The following CBR4 variants were observed in gnomAD, a reference collection of about 807,000 sequenced individuals.
CBR4 encodes 3-oxoacyl-[acyl-carrier-protein] reductase.
A neutral mutation model predicts 21.0 loss-of-function variants in CBR4; 22 were observed. The ratio of observed to expected loss-of-function variants is 1.05; its 90% confidence interval spans 0.75 to 1.50. The LOEUF is 1.50. CBR4 is among the 40% of genes most tolerant of loss of function. The probability of loss-of-function intolerance (pLI) is 0.00; values close to 1 mark genes in which losing one functional copy is unlikely to be tolerated. For synonymous variants in CBR4, 100 were observed against 104.4 expected, an observed-to-expected ratio of 0.96 and a Z score of 0.26; for missense variants, 302 against 286.3, an observed-to-expected ratio of 1.05 and a Z score of -0.40.
intron 2 of CBR4, among the ~76,000 whole-genome samples, chr4:168,974,302 T>C (rs1193653675): frequency 6.6e-6 from 1 of 152,236 alleles, no homozygotes; most frequent in East Asian, 1.9e-4. Flanking sequence ...GGTTTTCCTT[T>C]ATAGATTACC....
At chr4:169,004,285 TATA>T (rs1207925761) in intron 3 of CBR4, among the ~76,000 whole-genome samples, 2 of 152,178 alleles carry the variant, frequency 1.3e-5, no homozygotes, top group Non-Finnish European at 2.9e-5. Flanking sequence ...TTTTTTTAGA[TATA>T]ATGCTACTGC....
intron 2 of CBR4, among the ~76,000 whole-genome samples, chr4:168,969,203 A>G (rs1344096689): frequency 6.6e-6 from 1 of 152,216 alleles, no homozygotes; most frequent in Non-Finnish European, 1.5e-5. Flanking sequence ...GAAAGGTTGG[A>G]CAGCTGCTCT....
At chr4:168,943,801 T>G (rs1763326098) in intron 2 of CBR4, among the ~76,000 whole-genome samples, 1 of 152,024 alleles carries the variant, frequency 6.6e-6, no homozygotes, top group South Asian at 2.1e-4. Flanking sequence ...TCCCAGCTAC[T>G]CAGGAAGCTG....
At chr4:168,927,641 A>C (rs889541088) in intron 2 of CBR4, 1 of 226,658 alleles carries the variant, frequency 4.4e-6, no homozygotes, top group Non-Finnish European at 8.8e-6. Context: ...TTATTAGTTC[A>C]CTTCCCTGCT....
chr4:168,999,132 C>T (rs777359865), intron 4 of CBR4, among the ~76,000 whole-genome samples: 4 of 152,086 alleles, frequency 2.6e-5, no homozygotes, highest in Non-Finnish European at 4.4e-5. Context: ...AGATTAGCAG[C>T]TATTGATCTT....
chr4:168,921,921 C>T (rs981478576), intron 2 of CBR4, among the ~76,000 whole-genome samples: 15 of 152,090 alleles, frequency 9.9e-5, no homozygotes, highest in Admixed American at 7.9e-4. Flanking sequence ...AGAAATCTTT[C>T]ATTTCTCCCA....
At chr4:168,939,993 G>A (rs1763218157) in intron 2 of CBR4, among the ~76,000 whole-genome samples, 2 of 151,828 alleles carry the variant, frequency 1.3e-5, no homozygotes, top group African/African-American at 2.4e-5. Flanking sequence ...ACAATCCTAA[G>A]CAAAAAGAAT....
chr4:168,985,673 A>G (rs760722426), downstream of CBR4, among the ~76,000 whole-genome samples: 22 of 152,206 alleles, frequency 1.4e-4, no homozygotes, highest in Non-Finnish European at 2.2e-4. Flanking sequence ...AATGTGGTAC[A>G]TATGCACCAT....
chr4:168,990,412 T>A lies in CBR4; in HGVS notation c.536-84A>T, dbSNP rs529622903. The A allele has an allele frequency of 3.2e-5, 41 of 1,265,892 alleles. No homozygotes were observed. In the African/African-American group the frequency reaches 6.4e-4, roughly 20 times the overall value. The allele number at this position is 1,265,892 out of a possible 1,614,324, so 78.4% of individuals were successfully genotyped here. ...TCAAAAAAAATAATAAATTTGTTTC[T>A]GAAAATTTTAATTTGAAATTATTTA... On this transcript the variant is annotated intron_variant, in intron 4 of 4. Coordinates refer to ENST00000306193, the MANE Select transcript of CBR4 (RefSeq NM_032783.5).
intron 2 of CBR4, chr4:168,924,437 A>T: frequency 2.5e-6 from 4 of 1,608,294 alleles, no homozygotes; most frequent in Non-Finnish European, 3.4e-6. Context: ...CTGCACAATG[A>T]GAACCTGATC....
intron 2 of CBR4, among the ~76,000 whole-genome samples, chr4:168,961,002 G>T (rs558234077): frequency 2.0e-5 from 3 of 152,298 alleles, no homozygotes; most frequent in South Asian, 4.1e-4. Flanking sequence ...TTCCACAAGA[G>T]AATTTGATGG....
intron 2 of CBR4, among the ~76,000 whole-genome samples, chr4:168,904,689 G>T (rs988965737): frequency 1.3e-5 from 2 of 152,012 alleles, no homozygotes; most frequent in South Asian, 4.1e-4. Context: ...AAAAAAAAAG[G>T]CATGGTAAAA....
Position 168,898,590 on chromosome 4 carries a change from A to C in CBR4, n.170-3825T>G. 6.2e-7 allele frequency: 1 copy of C among 1,613,674 alleles called. No homozygotes were observed. The highest frequency in any genetic ancestry group is 8.5e-7 in the Non-Finnish European group (1 of 1,179,526). On this transcript the variant is annotated intron_variant and non_coding_transcript_variant, in intron 2 of 3. Coordinates refer to the CBR4 transcript ENST00000509108. The stretch of plus-strand genomic sequence containing the variant: ...GATGAATCAGGTGATGAAGTTCAGT[A>C]TGGAGATGTGCCTGTGGAAAATGGA...
At chr4:169,004,006 T>C (rs1035135933) in intron 3 of CBR4, among the ~76,000 whole-genome samples, 6 of 152,030 alleles carry the variant, frequency 3.9e-5, no homozygotes, top group Non-Finnish European at 7.4e-5. Flanking sequence ...GATGACGAGT[T>C]AGTGGGTGCA....
chr4:168,937,636 C>CAAAAAAAAAAAA (rs139482274), intron 2 of CBR4, among the ~76,000 whole-genome samples: 1 of 138,806 alleles, frequency 7.2e-6, no homozygotes. Context: ...ATAAAAAAAG[C>CAAAAAAAAAAAA]AAAAAAAAAA....
At chr4:168,921,322 G>C (rs181568026) in intron 2 of CBR4, among the ~76,000 whole-genome samples, 12 of 144,298 alleles carry the variant, frequency 8.3e-5, no homozygotes, top group Admixed American at 6.7e-4. Flanking sequence ...CAGGAGAATC[G>C]CTTGAACCCG....
At chr4:168,937,956 A>T (rs1160006484) in intron 2 of CBR4, among the ~76,000 whole-genome samples, 2 of 152,228 alleles carry the variant, frequency 1.3e-5, no homozygotes, top group African/African-American at 4.8e-5. Context: ...CTCTGCACCA[A>T]GTAAACCTAA....
At chr4:168,919,315 G>A (rs1760922152) in intron 2 of CBR4, among the ~76,000 whole-genome samples, 1 of 152,126 alleles carries the variant, frequency 6.6e-6, no homozygotes, top group African/African-American at 2.4e-5. Flanking sequence ...CCTGAGGTCA[G>A]GAATCCGAGA....
At chr4:168,913,666 T>A (rs1759507631) in intron 2 of CBR4, among the ~76,000 whole-genome samples, 2 of 151,934 alleles carry the variant, frequency 1.3e-5, no homozygotes, top group African/African-American at 4.8e-5. Context: ...TTAAATACCA[T>A]CCTAGATAAA....
Sources: gnomAD v4.1 joint callset for allele counts (sites outside exome capture counted in the v4.1 genomes callset) on GRCh38, gnomAD v4.1.1 for gene constraint, MANE v1.5 for transcripts, NCBI Gene and HGNC (gene_info 2026-07-23, HGNC 2026-07-21) for gene names.